The following TENM3 variants were observed in gnomAD, a reference collection of about 807,000 sequenced individuals.
The protein encoded by TENM3 is teneurin transmembrane protein 3, also known as teneurin-3.
A neutral mutation model predicts 255.1 loss-of-function variants in TENM3; 63 were observed. The ratio of observed to expected loss-of-function variants is 0.25; its 90% CI spans 0.20 to 0.30. The LOEUF (loss-of-function observed/expected upper bound fraction) is 0.30. Among genes scored for constraint, TENM3 ranks in the 10% least tolerant of loss-of-function variants. TENM3 has a pLI of 1.00. For synonymous variants in TENM3, 1,306 were observed against 1,322.3 expected (o/e 0.99, Z 0.27); for missense variants, 2,929 against 3,461.1 (o/e 0.85, Z 3.86).
chr4:181,680,963 C>A, the TENM3 span, among the ~76,000 whole-genome samples: 2 of 152,004 alleles, frequency 1.3e-5, no homozygotes, highest in African/African-American at 4.8e-5. Context: ...AAAATGTGAG[C>A]TAGAAGATAA....
chr4:182,715,172 C>T lies in TENM3; in HGVS notation c.2368+939C>T, dbSNP rs187092767. On this transcript the variant is annotated intron_variant, in intron 13 of 27. Transcript: ENST00000511685. ...TGCTGGGATTACAGGCGTGAGCCACCGCACCCAGCCAGCTGTTCAGTTTTG... is the reference window on the plus strand; with the variant it reads ...TGCTGGGATTACAGGCGTGAGCCACTGCACCCAGCCAGCTGTTCAGTTTTG... Among the ~76,000 whole-genome samples the T allele has an allele frequency of 9.2e-5, 14 of 152,302 alleles. No individual in the cohort carries two copies. In the East Asian group the frequency reaches 1.4e-3, roughly 15 times the overall value.
the TENM3 span, among the ~76,000 whole-genome samples, chr4:182,121,938 C>G: frequency 5.9e-5 from 9 of 152,226 alleles, no homozygotes; most frequent in East Asian, 1.7e-3. Flanking sequence ...AGTCAATCCT[C>G]TCAAACCTTT....
chr4:181,524,641 T>C, the TENM3 span, among the ~76,000 whole-genome samples: 20 of 152,192 alleles, frequency 1.3e-4, no homozygotes, highest in African/African-American at 4.3e-4. Flanking sequence ...TTTGGAGATA[T>C]AATCATCAAA....
At chr4:181,670,977 A>G in the TENM3 span, among the ~76,000 whole-genome samples, 2 of 152,186 alleles carry the variant, frequency 1.3e-5, no homozygotes, top group Non-Finnish European at 2.9e-5. Context: ...TCAATACTTC[A>G]CCTGTGACAC....
At chr4:182,414,895 C>G (rs1397579707) in intron 3 of TENM3, among the ~76,000 whole-genome samples, 1 of 152,258 alleles carries the variant, frequency 6.6e-6, no homozygotes, top group South Asian at 2.1e-4. Context: ...TAGATATCAG[C>G]TTTACATTTA....
At chr4:182,435,424 C>G (rs889746791) in intron 3 of TENM3, among the ~76,000 whole-genome samples, 3 of 152,054 alleles carry the variant, frequency 2.0e-5, no homozygotes, top group Non-Finnish European at 2.9e-5. Flanking sequence ...CAGGAAAAAG[C>G]GTTTTGATTC....
chr4:181,487,697 C>G, the TENM3 span, among the ~76,000 whole-genome samples: 1 of 152,026 alleles, frequency 6.6e-6, no homozygotes, highest in Admixed American at 6.6e-5. Flanking sequence ...ATAGCAATAC[C>G]TGAAGCATCT....
intron 1 of TENM3, among the ~76,000 whole-genome samples, chr4:182,219,999 C>T (rs777665578): frequency 1.3e-5 from 2 of 152,108 alleles, no homozygotes; most frequent in Non-Finnish European, 2.9e-5. Flanking sequence ...AACCGTAAGT[C>T]TGGCCATATT....
chr4:181,650,118 C>T, the TENM3 span, among the ~76,000 whole-genome samples: 2,777 of 152,256 alleles, frequency 0.018, 38 homozygotes, highest in East Asian at 0.036. Flanking sequence ...ACCTGTCACT[C>T]AAAGATTATG....
At chr4:181,828,453 A>G in the TENM3 span, among the ~76,000 whole-genome samples, 1 of 152,224 alleles carries the variant, frequency 6.6e-6, no homozygotes, top group Non-Finnish European at 1.5e-5. Context: ...AAAATATCCC[A>G]ATGAAGTAGC....
chr4:182,340,815 A>G (rs1313320825), intron 2 of TENM3, among the ~76,000 whole-genome samples: 1 of 152,228 alleles, frequency 6.6e-6, no homozygotes, highest in Non-Finnish European at 1.5e-5. Flanking sequence ...TGCCTGACTG[A>G]TGGAGGAGAG....
chr4:181,742,997 A>G, the TENM3 span, among the ~76,000 whole-genome samples: 15 of 151,708 alleles, frequency 9.9e-5, no homozygotes, highest in African/African-American at 1.2e-4. Flanking sequence ...CCCTACAAAG[A>G]ACATGAACTC....
chr4:182,630,320 A>C (rs938141090), intron 5 of TENM3, among the ~76,000 whole-genome samples: 2 of 152,220 alleles, frequency 1.3e-5, no homozygotes, highest in African/African-American at 4.8e-5. Flanking sequence ...TTCCAGAGAC[A>C]GATTTCTAGT....
At chr4:181,517,636 T>G in the TENM3 span, among the ~76,000 whole-genome samples, 1 of 152,256 alleles carries the variant, frequency 6.6e-6, no homozygotes, top group Admixed American at 6.5e-5. Flanking sequence ...TGTTCATTTA[T>G]TTTTCAATAA....
the TENM3 span, among the ~76,000 whole-genome samples, chr4:182,095,128 A>G: frequency 1.3e-5 from 2 of 152,200 alleles, no homozygotes; most frequent in Non-Finnish European, 2.9e-5. Flanking sequence ...GATTCCTCAC[A>G]AAACTAAAAA....
chr4:182,450,111 T>C (rs1580587860), intron 3 of TENM3, among the ~76,000 whole-genome samples: 1 of 152,146 alleles, frequency 6.6e-6, no homozygotes, highest in Non-Finnish European at 1.5e-5. Context: ...GAAGATTTGA[T>C]CCCCTTCCAC....
chr4:182,552,149 T>TA (rs1471638609), intron 3 of TENM3, among the ~76,000 whole-genome samples: 1 of 152,086 alleles, frequency 6.6e-6, no homozygotes, highest in Non-Finnish European at 1.5e-5. Flanking sequence ...TTCCATGACT[T>TA]AAAAATAATA....
At chr4:182,536,421 A>G (rs1341790871) in intron 3 of TENM3, among the ~76,000 whole-genome samples, 3 of 152,230 alleles carry the variant, frequency 2.0e-5, no homozygotes, top group South Asian at 4.1e-4. Context: ...ATAGCTGCCA[A>G]TAGGCATGCC....
At chr4:182,584,307 G>A (rs1745794130) in intron 3 of TENM3, among the ~76,000 whole-genome samples, 1 of 152,142 alleles carries the variant, frequency 6.6e-6, no homozygotes, top group South Asian at 2.1e-4. Context: ...AGAATTATGA[G>A]CTAAAGACAT....
Sources: gnomAD v4.1 joint callset for allele counts (sites outside exome capture counted in the v4.1 genomes callset) on GRCh38, gnomAD v4.1.1 for gene constraint, MANE v1.5 for transcripts, NCBI Gene and HGNC (gene_info 2026-07-23, HGNC 2026-07-21) for gene names.